PARD3B: variants seen among roughly 807,000 people sequenced by gnomAD.
PARD3B encodes partitioning defective 3 homolog B.
In PARD3B, 103 loss-of-function variants were observed where a neutral mutation model predicts 130.2. That is an observed-to-expected ratio of 0.79 (90% CI 0.67 to 0.93). The LOEUF is 0.93. Ranked by LOEUF, PARD3B falls within the 40% of genes least tolerant of loss-of-function variation. The pLI is 0.00. For synonymous variants in PARD3B, 583 were observed against 553.2 expected (o/e 1.05, Z -0.76); for missense variants, 1,609 against 1,499.2 (o/e 1.07, Z -1.21).
In PARD3B at chr2:205,190,675, A is replaced by G. The variant is rs374142118; in HGVS notation, c.2025-2530A>G. Among the ~76,000 whole-genome samples, 5 of 152,198 alleles carry G rather than the reference A, an allele frequency of 3.3e-5. No homozygotes were observed. In the East Asian group the frequency reaches 9.6e-4, roughly 29 times the overall value. Reference sequence around the variant, plus strand: ...TGAGCCTCAGGGTCTTATCTGAGAGATGAGGTGACCTTTAATCCCTTCTGG... The same window carrying G: ...TGAGCCTCAGGGTCTTATCTGAGAGGTGAGGTGACCTTTAATCCCTTCTGG... On this transcript the variant is annotated intron_variant, in intron 14 of 22. Coordinates refer to ENST00000406610, the MANE Select transcript of PARD3B (RefSeq NM_001302769.2).
At chr2:205,034,855 T>C (rs567300486) in intron 3 of PARD3B, among the ~76,000 whole-genome samples, 1 of 152,006 alleles carries the variant, frequency 6.6e-6, no homozygotes, top group Non-Finnish European at 1.5e-5. Context: ...GTGTTCTTTT[T>C]TTGTTGTTGT....
At chr2:205,449,830 A>G (rs2048037654) in intron 20 of PARD3B, among the ~76,000 whole-genome samples, 1 of 152,230 alleles carries the variant, frequency 6.6e-6, no homozygotes, top group South Asian at 2.1e-4. Flanking sequence ...AAAGAAGTTT[A>G]GAAGCAATCT....
chr2:204,765,516 A>G (rs1159411083), intron 2 of PARD3B, among the ~76,000 whole-genome samples: 1 of 152,200 alleles, frequency 6.6e-6, no homozygotes, highest in Non-Finnish European at 1.5e-5. Context: ...GCAAAACAAG[A>G]AAATTGTGTT....
intron 18 of PARD3B, among the ~76,000 whole-genome samples, chr2:205,367,582 A>T (rs2044656157): frequency 6.6e-6 from 1 of 152,204 alleles, no homozygotes; most frequent in Non-Finnish European, 1.5e-5. Flanking sequence ...GGATCGGATT[A>T]TCTTTTAAGA....
At chr2:204,628,279 T>G (rs568119953) in intron 1 of PARD3B, among the ~76,000 whole-genome samples, 2 of 18,884 alleles carry the variant, frequency 1.1e-4, no homozygotes, top group South Asian at 3.7e-3. Flanking sequence ...TAAATTCCCG[T>G]TTTTTTTTTT....
At chr2:204,646,506 T>A (rs1338348921) in intron 1 of PARD3B, among the ~76,000 whole-genome samples, 1 of 152,068 alleles carries the variant, frequency 6.6e-6, no homozygotes, top group East Asian at 1.9e-4. Context: ...TATTAATATA[T>A]TAAACGTGAA....
At chr2:204,953,416 CACACAGAGAGAGAGAG>C (rs1157283644) in intron 2 of PARD3B, among the ~76,000 whole-genome samples, 38 of 100,982 alleles carry the variant, frequency 3.8e-4, no homozygotes, top group African/African-American at 1.7e-3. Context: ...AACATACACA[CACACAGAGAGAGAGAG>C]AGAGAGAGAG....
chr2:204,715,765 T>C (rs1233395453), intron 2 of PARD3B, among the ~76,000 whole-genome samples: 2 of 152,192 alleles, frequency 1.3e-5, no homozygotes, highest in African/African-American at 4.8e-5. Context: ...CTTTCTCCCT[T>C]TACTGCCAGT....
At chr2:205,328,027 C>T (rs1160973920) in intron 18 of PARD3B, among the ~76,000 whole-genome samples, 1 of 152,112 alleles carries the variant, frequency 6.6e-6, no homozygotes, top group African/African-American at 2.4e-5. Flanking sequence ...CACTCTTATG[C>T]TTTCTTCATT....
At chr2:204,582,132 G>A (rs1417523619) in intron 1 of PARD3B, among the ~76,000 whole-genome samples, 1 of 152,126 alleles carries the variant, frequency 6.6e-6, no homozygotes, top group African/African-American at 2.4e-5. Context: ...CAAGGTATGA[G>A]GCACCTCTGA....
intron 10 of PARD3B, among the ~76,000 whole-genome samples, chr2:205,137,796 C>T (rs1276866899): frequency 6.6e-6 from 1 of 152,152 alleles, no homozygotes; most frequent in Non-Finnish European, 1.5e-5. Context: ...TCCCACCCTC[C>T]AAAAGGCTAG....
intron 2 of PARD3B, among the ~76,000 whole-genome samples, chr2:204,957,086 C>T (rs1367621182): frequency 6.6e-6 from 1 of 151,976 alleles, no homozygotes; most frequent in African/African-American, 2.4e-5. Context: ...AGTGATTGTC[C>T]CTAAAAGTAA....
At chr2:205,193,043 T>C (rs918304902) in intron 14 of PARD3B, among the ~76,000 whole-genome samples, 162 bp from the exon 15 acceptor site, 2 of 152,234 alleles carry the variant, frequency 1.3e-5, no homozygotes, top group African/African-American at 4.8e-5. Context: ...ACAGAGTTGC[T>C]ACATCTCATA....
chr2:204,712,015 T>C (rs1200742629), intron 2 of PARD3B, among the ~76,000 whole-genome samples: 1 of 152,000 alleles, frequency 6.6e-6, no homozygotes, highest in Non-Finnish European at 1.5e-5. Context: ...AGACCAAATC[T>C]CTAAACTTTT....
At chr2:204,674,162 T>C (rs954278744) in intron 1 of PARD3B, among the ~76,000 whole-genome samples, 4 of 152,204 alleles carry the variant, frequency 2.6e-5, no homozygotes, top group African/African-American at 9.6e-5. Flanking sequence ...ATGGTGCTTA[T>C]GTTCTAGTTG....
At chr2:205,377,893 C>G (rs112729301) in intron 18 of PARD3B, among the ~76,000 whole-genome samples, 2 of 151,700 alleles carry the variant, frequency 1.3e-5, no homozygotes, top group South Asian at 4.2e-4. Context: ...GCCTCAGCCT[C>G]CCAAGTAGCT....
At chr2:205,414,727 C>T (rs1430392549) in intron 19 of PARD3B, among the ~76,000 whole-genome samples, 1 of 151,966 alleles carries the variant, frequency 6.6e-6, no homozygotes, top group African/African-American at 2.4e-5. Flanking sequence ...TAGATTGACA[C>T]TGAGGACATA....
At chr2:205,380,376 T>TATATAATATATAAAGAATATATATTAC in intron 18 of PARD3B, among the ~76,000 whole-genome samples, 1 of 35,720 alleles carries the variant, frequency 2.8e-5, no homozygotes, top group Non-Finnish European at 4.7e-5. Context: ...ATATATATTA[T>TATATAATATATAAAGAATATATATTAC]ATATAATATA....
intron 2 of PARD3B, among the ~76,000 whole-genome samples, chr2:204,807,547 T>G (rs1292816292): frequency 6.6e-6 from 1 of 152,138 alleles, no homozygotes. Context: ...TGCACTCTCA[T>G]GTTTATTGCA....
Sources: gnomAD v4.1 joint callset for allele counts (sites outside exome capture counted in the v4.1 genomes callset) on GRCh38, gnomAD v4.1.1 for gene constraint, MANE v1.5 for transcripts, NCBI Gene and HGNC (gene_info 2026-07-23, HGNC 2026-07-21) for gene names.